The following ARHGEF10 variants were observed in gnomAD, a reference collection of about 807,000 sequenced individuals.
ARHGEF10 encodes the protein Rho guanine nucleotide exchange factor 10, also known as Rho guanine nucleotide exchange factor (GEF) 10.
A neutral mutation model predicts 147.4 loss-of-function variants in ARHGEF10; 140 were observed. The observed-to-expected ratio is 0.95, with a 90% CI of 0.83 to 1.09. The LOEUF is 1.09. Among genes scored for constraint, ARHGEF10 ranks in the 50% least tolerant of loss-of-function variants. The pLI, the probability that ARHGEF10 is intolerant of heterozygous loss-of-function variation, is 0.00. For synonymous variants in ARHGEF10, 902 were observed against 695.8 expected, an observed-to-expected ratio of 1.30 and a Z score of -4.67; for missense variants, 2,222 against 1,752.7, an observed-to-expected ratio of 1.27 and a Z score of -4.78.
At position 1,880,193 on chromosome 8, in the gene ARHGEF10, C is replaced by T. The variant is rs77494765; in HGVS notation, c.960+29C>T. The T allele has an allele frequency of 5.2e-5, 79 of 1,519,622 alleles. No homozygotes were observed. In the East Asian group the frequency reaches 1.6e-3, roughly 31 times the overall value. The allele number at this position is 1,519,622 out of a possible 1,614,324, so 94.1% of individuals were successfully genotyped here. On this transcript the variant is annotated intron_variant, in intron 9 of 28. Coordinates refer to ENST00000349830, the MANE Select transcript of ARHGEF10 (RefSeq NM_014629.4). Reference sequence around the variant, plus strand: ...GAGTCTTGCCCCCGGCCGCTGCCCCCACTTGCCAGCCGGGCAGTAAAGAAA... The same window carrying T: ...GAGTCTTGCCCCCGGCCGCTGCCCCTACTTGCCAGCCGGGCAGTAAAGAAA...
At position 1,858,087 on chromosome 8, in the gene ARHGEF10, T is replaced by G. The variant is rs1333442197; in HGVS notation, c.165T>G (p.Ala55=). The G allele has an allele frequency of 1.2e-6, 2 of 1,601,260 alleles. No individual in the cohort carries two copies. The highest frequency in any genetic ancestry group is 1.1e-5 in the South Asian group (1 of 90,264). Residue 55 remains alanine (A), a synonymous_variant, in exon 3 of 29, where the codon GCT becomes GCG. Transcript: ENST00000349830. ...CATCCGCCCCTGAGACAGGAGGTGC[T>G]GGAGCCAGTGAAGCCCCTGCACCCA... ...QAPSAPETGG[A]GASEAPAPTG... is the part of the protein sequence containing the mutation.
chr8:1,903,740 T>TAGG (rs568770317), intron 16 of ARHGEF10: 3 of 485,558 alleles, frequency 6.2e-6, no homozygotes, highest in Non-Finnish European at 1.1e-5. Context: ...GCAACTCCTT[T>TAGG]AGCTTACTTT....
At chr8:1,911,111 A>G (rs527795436) in intron 18 of ARHGEF10, among the ~76,000 whole-genome samples, 2 of 152,364 alleles carry the variant, frequency 1.3e-5, no homozygotes, top group African/African-American at 4.8e-5. Flanking sequence ...CAGCAAGAGG[A>G]GAAACACTGA....
At position 1,898,425 on chromosome 8, in the gene ARHGEF10, C is replaced by T. The variant is rs762628827; in HGVS notation, c.1558-8C>T. The T allele has an allele frequency of 1.9e-6, 3 of 1,613,962 alleles. No individual in the cohort carries two copies. The East Asian group carries it at 6.7e-5, about 36-fold the overall frequency. ...GCAGGGAGGTGACCCCGGTGCCTTC[C>T]CCCACAGCAGGAACAGGAGGCCAGC... is the stretch of plus-strand genomic sequence containing the variant. On this transcript the variant is annotated splice_region_variant and splice_polypyrimidine_tract_variant and intron_variant, in intron 14 of 28. Coordinates refer to ENST00000349830, the MANE Select transcript of ARHGEF10 (RefSeq NM_014629.4).
At chr8:1,854,338 G>GGGCACA (rs1189550737) in intron 2 of ARHGEF10, among the ~76,000 whole-genome samples, 1 of 152,334 alleles carries the variant, frequency 6.6e-6, no homozygotes, top group Admixed American at 6.5e-5. Flanking sequence ...CGCCCGCCGT[G>GGGCACA]GGCACAGCTG....
chr8:1,890,434 G>GGTTGTGAGGAGACAGTGAGTGGGGTGAGT (rs527925107), intron 11 of ARHGEF10, among the ~76,000 whole-genome samples: 22 of 149,998 alleles, frequency 1.5e-4, no homozygotes, highest in African/African-American at 5.4e-4. Context: ...AATGGGTTGA[G>GGTTGTGAGGAGACAGTGAGTGGGGTGAGT]GTTGTGAGGA....
At chr8:1,857,612 G>T (rs1160188427) in intron 2 of ARHGEF10, among the ~76,000 whole-genome samples, 7 of 151,842 alleles carry the variant, frequency 4.6e-5, no homozygotes, top group African/African-American at 1.7e-4. Flanking sequence ...TAGAGATGGG[G>T]TTTCACCATG....
At chr8:1,884,119 C>T (rs1808443412) in intron 10 of ARHGEF10, among the ~76,000 whole-genome samples, 1 of 152,130 alleles carries the variant, frequency 6.6e-6, no homozygotes, top group African/African-American at 2.4e-5. Context: ...CTTGGCCGGG[C>T]ACGGTGGCTC....
chr8:1,833,412 A>G (rs962027249), intron 1 of ARHGEF10, among the ~76,000 whole-genome samples: 7 of 151,266 alleles, frequency 4.6e-5, no homozygotes, highest in African/African-American at 7.3e-5. Context: ...ACAGAGACAG[A>G]GGCAGAGACA....
chr8:1,853,645 G>A (rs925036078), intron 2 of ARHGEF10, among the ~76,000 whole-genome samples: 14 of 152,242 alleles, frequency 9.2e-5, no homozygotes, highest in Non-Finnish European at 1.8e-4. Context: ...AGGGCCCTGA[G>A]GATGGCACAG....
chr8:1,923,091 A>G lies in ARHGEF10; in HGVS notation c.2259+12A>G. ...AAGGAAACTATCAGGTAACAATTGA[A>G]GCAATTGGATTTAAGATTCTGCCTT... On this transcript the variant is annotated intron_variant, in intron 19 of 28. Transcript: ENST00000349830. 2 of 1,556,042 alleles carry G rather than the reference A, an allele frequency of 1.3e-6. 1 individual carries two copies.
At chr8:1,852,502 C>T (rs940422016) in intron 2 of ARHGEF10, among the ~76,000 whole-genome samples, 1 of 143,408 alleles carries the variant, frequency 7.0e-6, no homozygotes, top group African/African-American at 2.6e-5. Context: ...GGAGCAGCAC[C>T]GTTTCTGTCC....
intron 8 of ARHGEF10, 129 bp from the exon 9 acceptor site, chr8:1,879,919 C>T (rs1808036995): frequency 1.3e-6 from 1 of 773,442 alleles, no homozygotes; most frequent in Non-Finnish European, 2.4e-6. Context: ...CGTGTGGTCC[C>T]AGAAGCCCCC....
At chr8:1,831,402 A>T (rs930870036) in intron 1 of ARHGEF10, among the ~76,000 whole-genome samples, 2 of 150,548 alleles carry the variant, frequency 1.3e-5, no homozygotes, top group African/African-American at 4.9e-5. Flanking sequence ...GTGGAGGGAC[A>T]GTGTGTGATG....
At chr8:1,905,137 C>G (rs542436080) in intron 16 of ARHGEF10, among the ~76,000 whole-genome samples, 38 of 151,914 alleles carry the variant, frequency 2.5e-4, no homozygotes, top group Non-Finnish European at 4.1e-4. Flanking sequence ...TCAGAACAAA[C>G]AAACAAAAAA....
intron 10 of ARHGEF10, 79 bp downstream of exon 10, chr8:1,882,828 T>TG: frequency 8.7e-6 from 2 of 231,092 alleles, no homozygotes; most frequent in Non-Finnish European, 1.8e-5. Context: ...GGACTCGGGG[T>TG]GGGGGGCGGC....
intron 27 of ARHGEF10, among the ~76,000 whole-genome samples, chr8:1,951,179 T>C (rs907618332): frequency 2.0e-5 from 3 of 152,266 alleles, no homozygotes; most frequent in African/African-American, 4.8e-5. Context: ...ACTGCTGCTC[T>C]AGAAAGATCA....
In ARHGEF10 at chr8:1,956,378, T is replaced by C. The variant is rs185100140; in HGVS notation, c.3521-371T>C. On this transcript the variant is annotated intron_variant, in intron 28 of 28. Transcript: ENST00000349830. ...ACATTTCAGGCGTTAATATTTCTAA[T>C]CAAGACTTAGGAAAATTTGGGATAT... Among the ~76,000 whole-genome samples the C allele has an allele frequency of 2.3e-3, 357 of 152,286 alleles. 3 individuals carry two copies. Among genetic ancestry groups the C allele is most frequent in the African/African-American group, 8.2e-3 (339 of 41,550 alleles).
At chr8:1,941,610 C>T (rs956297893) in intron 26 of ARHGEF10, among the ~76,000 whole-genome samples, 4 of 151,734 alleles carry the variant, frequency 2.6e-5, no homozygotes, top group Non-Finnish European at 5.9e-5. Flanking sequence ...ACTTGACAAG[C>T]ACATCCTGAG....
Sources: gnomAD v4.1 joint callset for allele counts (sites outside exome capture counted in the v4.1 genomes callset) on GRCh38, gnomAD v4.1.1 for gene constraint, MANE v1.5 for transcripts, NCBI Gene and HGNC (gene_info 2026-07-23, HGNC 2026-07-21) for gene names.